The following GRM5 variants were observed in gnomAD, a reference collection of about 807,000 sequenced individuals.
GRM5 encodes glutamate metabotropic receptor 5.
Under a neutral mutation model 83.1 loss-of-function variants are expected in GRM5, and 19 were observed. The observed-to-expected ratio is 0.23, with a 90% CI of 0.16 to 0.34. GRM5 has a LOEUF of 0.34. Among genes scored for constraint, GRM5 ranks in the 10% least tolerant of loss-of-function variants. The probability of loss-of-function intolerance (pLI) is 1.00; values close to 1 mark genes in which losing one functional copy is unlikely to be tolerated. For synonymous variants in GRM5, 675 were observed against 633.6 expected (o/e 1.07, Z -0.98); for missense variants, 1,160 against 1,588.3 (o/e 0.73, Z 4.58).
At chr11:88,846,137 T>C (rs565339006) in intron 3 of GRM5, among the ~76,000 whole-genome samples, 1 of 152,334 alleles carries the variant, frequency 6.6e-6, no homozygotes, top group African/African-American at 2.4e-5. Flanking sequence ...ATTCTCAAAT[T>C]ATTCAAATAA....
At chr11:89,052,303 T>C (rs1439884712) in intron 1 of GRM5, among the ~76,000 whole-genome samples, 6 of 152,096 alleles carry the variant, frequency 3.9e-5, no homozygotes, top group Non-Finnish European at 4.4e-5. Flanking sequence ...GTATAAATAT[T>C]GCAAAGGTAC....
At chr11:88,638,374 A>C (rs1242304531) in intron 4 of GRM5, among the ~76,000 whole-genome samples, 1 of 152,086 alleles carries the variant, frequency 6.6e-6, no homozygotes. Context: ...TATTTACATC[A>C]GTGTTCATGA....
chr11:88,680,256 C>A (rs563753657), intron 3 of GRM5, among the ~76,000 whole-genome samples: 3 of 152,092 alleles, frequency 2.0e-5, no homozygotes, highest in Admixed American at 6.5e-5. Flanking sequence ...CACAACAGGC[C>A]CTGGTGTGTG....
chr11:88,798,666 G>T (rs1417403438), intron 3 of GRM5, among the ~76,000 whole-genome samples: 1 of 151,866 alleles, frequency 6.6e-6, no homozygotes, highest in Non-Finnish European at 1.5e-5. Context: ...AAAGCCTGTG[G>T]TGTTGTAAAA....
intron 2 of GRM5, among the ~76,000 whole-genome samples, chr11:88,907,928 T>A (rs1318843819): frequency 6.6e-6 from 1 of 152,204 alleles, no homozygotes; most frequent in Non-Finnish European, 1.5e-5. Flanking sequence ...GTCTGTTGTA[T>A]GTAATTTATA....
chr11:88,749,311 G>C (rs764230702), intron 3 of GRM5, among the ~76,000 whole-genome samples: 1 of 152,098 alleles, frequency 6.6e-6, no homozygotes, highest in Non-Finnish European at 1.5e-5. Flanking sequence ...AGTATCAATA[G>C]CAAAATAGAC....
intron 3 of GRM5, among the ~76,000 whole-genome samples, chr11:88,826,668 A>C (rs1943899504): frequency 6.6e-6 from 1 of 152,154 alleles, no homozygotes; most frequent in Non-Finnish European, 1.5e-5. Context: ...CATAAAAAGC[A>C]TTTTGTAATC....
chr11:88,604,608 C>T lies in GRM5; in HGVS notation c.1394+110G>A, dbSNP rs1938090582. On this transcript the variant is annotated intron_variant, in intron 5 of 9. Transcript: ENST00000305447. ...ATTTGGGATGTCAGGGAAGGGGAAACATTACCAGGAAACCTAGATTAACCA... is the reference window on the plus strand; with the variant it reads ...ATTTGGGATGTCAGGGAAGGGGAAATATTACCAGGAAACCTAGATTAACCA... 6.7e-6 allele frequency: 6 copies of T among 896,046 alleles called. No homozygotes were observed. The South Asian group carries it at 9.9e-5, about 15-fold the overall frequency. The allele number at this position is 896,046 out of a possible 1,614,324, so 55.5% of individuals were successfully genotyped here. A position where few individuals can be genotyped will look rare whatever the true frequency, so the allele number is the denominator to read the frequency against.
At chr11:88,826,533 G>A (rs1372801187) in intron 3 of GRM5, among the ~76,000 whole-genome samples, 1 of 151,946 alleles carries the variant, frequency 6.6e-6, no homozygotes, top group Non-Finnish European at 1.5e-5. Flanking sequence ...CAATGGACCA[G>A]CATCTGGTAG....
At chr11:88,803,979 C>A (rs1943450473) in intron 3 of GRM5, among the ~76,000 whole-genome samples, 1 of 151,044 alleles carries the variant, frequency 6.6e-6, no homozygotes, top group African/African-American at 2.4e-5. Flanking sequence ...ATCAAAACCA[C>A]AATGAGATAC....
At chr11:88,904,122 C>T (rs542182147) in intron 2 of GRM5, among the ~76,000 whole-genome samples, 6 of 152,026 alleles carry the variant, frequency 3.9e-5, no homozygotes, top group African/African-American at 1.2e-4. Context: ...AGATAACATT[C>T]GGGGAAGGGC....
At chr11:88,749,586 C>CAGAG (rs1456731623) in intron 3 of GRM5, among the ~76,000 whole-genome samples, 2 of 152,064 alleles carry the variant, frequency 1.3e-5, no homozygotes, top group African/African-American at 2.4e-5. Context: ...TCAGGAAATA[C>CAGAG]AGAGAAACCC....
At chr11:88,752,049 A>G (rs1248262459) in intron 3 of GRM5, among the ~76,000 whole-genome samples, 1 of 152,174 alleles carries the variant, frequency 6.6e-6, no homozygotes, top group Non-Finnish European at 1.5e-5. Context: ...CCACAAGACA[A>G]TGATGCCCTC....
chr11:88,821,056 G>A (rs1943781361), intron 3 of GRM5, among the ~76,000 whole-genome samples: 1 of 152,078 alleles, frequency 6.6e-6, no homozygotes, highest in Non-Finnish European at 1.5e-5. Flanking sequence ...ACTGAAGCCA[G>A]GAAGTTTTTA....
chr11:88,836,858 A>G (rs1303814539), intron 3 of GRM5, among the ~76,000 whole-genome samples: 3 of 152,178 alleles, frequency 2.0e-5, no homozygotes, highest in African/African-American at 7.2e-5. Flanking sequence ...ACAAATCTAG[A>G]AAACAATAAA....
intron 3 of GRM5, among the ~76,000 whole-genome samples, chr11:88,750,406 G>A (rs776001745): frequency 6.6e-5 from 10 of 152,112 alleles, no homozygotes; most frequent in Non-Finnish European, 1.5e-4. Context: ...AAATATATAT[G>A]CACCCAATGC....
chr11:89,042,066 G>A (rs867488108), intron 2 of GRM5, among the ~76,000 whole-genome samples: 5 of 152,036 alleles, frequency 3.3e-5, no homozygotes, highest in African/African-American at 1.2e-4. Flanking sequence ...TATTTTTTGA[G>A]ACAGTTTTGC....
chr11:88,965,501 A>C (rs530249790), intron 2 of GRM5, among the ~76,000 whole-genome samples: 2 of 152,286 alleles, frequency 1.3e-5, no homozygotes, highest in East Asian at 3.9e-4. Context: ...TGACATAAAC[A>C]TTCAGTCCAT....
intron 2 of GRM5, among the ~76,000 whole-genome samples, chr11:88,956,410 C>T (rs1262357279): frequency 1.3e-5 from 2 of 152,272 alleles, no homozygotes; most frequent in East Asian, 1.9e-4. Context: ...ATACATCATA[C>T]GCTAGGCACT....
Sources: allele counts gnomAD v4.1 joint callset (sites outside exome capture counted in the v4.1 genomes callset), GRCh38; gene constraint gnomAD v4.1.1; transcripts MANE v1.5; gene names NCBI Gene and HGNC (gene_info 2026-07-23, HGNC 2026-07-21).